SDK1: variants seen among roughly 807,000 people sequenced by gnomAD.
The protein encoded by SDK1 is sidekick cell adhesion molecule 1.
In SDK1, 157 loss-of-function variants were observed where a neutral mutation model predicts 245.5. The observed-to-expected ratio is 0.64, with a 90% CI of 0.56 to 0.73. SDK1 has a LOEUF of 0.73. SDK1 is among the 30% of genes least tolerant of loss of function. SDK1 has a pLI of 0.00. For missense variants in SDK1, 3,583 were observed against 3,002.3 expected (o/e 1.19, Z -4.52); for synonymous variants, 1,647 against 1,278.5 (o/e 1.29, Z -6.15).
chr7:4,233,534 C>T (rs1163002814), intron 41 of SDK1, 115 bp downstream of exon 41: 117 of 967,498 alleles, frequency 1.2e-4, no homozygotes, highest in Non-Finnish European at 1.6e-4. Flanking sequence ...GAAATGGGGT[C>T]GAGGGGGACC....
chr7:3,574,654 C>G (rs76881629), intron 1 of SDK1, among the ~76,000 whole-genome samples: 3,067 of 152,166 alleles, frequency 0.02, 105 homozygotes, highest in African/African-American at 0.068. Context: ...CCCCTCCACG[C>G]ATACATTTTA....
chr7:3,887,648 C>A (rs1233780165), intron 5 of SDK1, among the ~76,000 whole-genome samples: 1 of 152,164 alleles, frequency 6.6e-6, no homozygotes, highest in African/African-American at 2.4e-5. Flanking sequence ...TTGTCATTTT[C>A]CCCTGGCCTG....
intron 4 of SDK1, among the ~76,000 whole-genome samples, chr7:3,793,214 T>A (rs985874746): frequency 6.6e-6 from 1 of 152,210 alleles, no homozygotes; most frequent in Non-Finnish European, 1.5e-5. Flanking sequence ...TAAAAGACAT[T>A]ACATTTCTAA....
At chr7:3,943,660 G>C (rs780983403) in intron 5 of SDK1, among the ~76,000 whole-genome samples, 1 of 151,732 alleles carries the variant, frequency 6.6e-6, no homozygotes, top group Non-Finnish European at 1.5e-5. Flanking sequence ...CCATTCATCC[G>C]ACTTTATTTG....
intron 2 of SDK1, among the ~76,000 whole-genome samples, chr7:3,624,812 G>T (rs925715065): frequency 2.0e-5 from 3 of 151,966 alleles, no homozygotes; most frequent in African/African-American, 7.2e-5. Flanking sequence ...TTGGGAGGCC[G>T]AGGGAGGCGC....
chr7:3,567,512 C>G (rs1779963537), intron 1 of SDK1, among the ~76,000 whole-genome samples: 1 of 152,144 alleles, frequency 6.6e-6, no homozygotes. Context: ...TGTCCTGGTG[C>G]TAGAAAACTA....
chr7:3,310,135 T>C (rs1039155415), intron 1 of SDK1, among the ~76,000 whole-genome samples: 1 of 152,182 alleles, frequency 6.6e-6, no homozygotes, highest in Admixed American at 6.5e-5. Flanking sequence ...CTGGCATCAT[T>C]CTGGATTCAC....
intron 4 of SDK1, among the ~76,000 whole-genome samples, chr7:3,785,116 A>G (rs1283110393): frequency 6.6e-6 from 1 of 152,204 alleles, no homozygotes; most frequent in Non-Finnish European, 1.5e-5. Flanking sequence ...AAAGACAAAT[A>G]TCACACAATC....
At chr7:3,600,551 G>T (rs368248776) in intron 1 of SDK1, among the ~76,000 whole-genome samples, 9 of 109,046 alleles carry the variant, frequency 8.3e-5, no homozygotes, top group South Asian at 3.4e-4. Flanking sequence ...ATTAGATGTA[G>T]TTTTTTTTTT....
intron 4 of SDK1, among the ~76,000 whole-genome samples, chr7:3,675,189 T>C (rs1783853459): frequency 1.3e-5 from 2 of 152,210 alleles, no homozygotes; most frequent in Non-Finnish European, 2.9e-5. Flanking sequence ...CAGCTTTATC[T>C]TTCAAATGGT....
intron 4 of SDK1, among the ~76,000 whole-genome samples, chr7:3,781,906 C>T (rs1291796300): frequency 6.6e-6 from 1 of 152,016 alleles, no homozygotes; most frequent in African/African-American, 2.4e-5. Flanking sequence ...TGAAGAAAGC[C>T]TATGAGAGTT....
At chr7:3,863,885 C>G (rs559192952) in intron 5 of SDK1, among the ~76,000 whole-genome samples, 33 of 152,204 alleles carry the variant, frequency 2.2e-4, no homozygotes, top group Admixed American at 1.1e-3. Flanking sequence ...GAATCTGCTG[C>G]TATGAACATG....
chr7:3,312,534 A>G (rs1475453847), intron 1 of SDK1, among the ~76,000 whole-genome samples: 1 of 151,942 alleles, frequency 6.6e-6, no homozygotes, highest in Non-Finnish European at 1.5e-5. Flanking sequence ...AGAACCCAGT[A>G]GGACTTCTAG....
At chr7:3,653,192 G>C (rs1006263190) in intron 4 of SDK1, among the ~76,000 whole-genome samples, 2 of 152,180 alleles carry the variant, frequency 1.3e-5, no homozygotes, top group African/African-American at 4.8e-5. Context: ...CGCCACCCCA[G>C]CTGACTGTTA....
intron 1 of SDK1, among the ~76,000 whole-genome samples, chr7:3,507,131 G>A (rs1782419668): frequency 6.6e-6 from 1 of 152,134 alleles, no homozygotes; most frequent in South Asian, 2.1e-4. Flanking sequence ...TCTGCTGAAT[G>A]CCCTAGGTGT....
At chr7:4,154,248 A>T (rs948059398) in intron 30 of SDK1, among the ~76,000 whole-genome samples, 5 of 152,230 alleles carry the variant, frequency 3.3e-5, no homozygotes, top group Admixed American at 3.3e-4. Context: ...CCGAGGCAGT[A>T]CGAGTACAAA....
At position 3,496,000 on chromosome 7, in the gene SDK1, T is replaced by C. The variant is rs151124681; in HGVS notation, c.299-123080T>C. On this transcript the variant is annotated intron_variant, in intron 1 of 44. Transcript: ENST00000404826. ...ATCTTTTCTCAGTGGCCCGTCACTA[T>C]AACATTAAATAAGATCTTAATTGTA... Among the ~76,000 whole-genome samples the C allele has an allele frequency of 4.6e-5, 7 of 152,354 alleles. No homozygotes were observed. In the East Asian group the frequency reaches 1.2e-3, roughly 25 times the overall value.
At chr7:3,969,661 T>C (rs992895247) in intron 11 of SDK1, among the ~76,000 whole-genome samples, 2 of 152,242 alleles carry the variant, frequency 1.3e-5, no homozygotes, top group African/African-American at 4.8e-5. Context: ...AGACGAAAGA[T>C]TGACTTTGTA....
rs537352959 is a variant in SDK1, at chr7:4,028,917, A to G, written c.2602+11565A>G. 2.6e-5 allele frequency among the ~76,000 whole-genome samples: 4 copies of G among 152,320 alleles called. No homozygotes were observed. In the South Asian group the frequency reaches 6.2e-4, roughly 24 times the overall value. On this transcript the variant is annotated intron_variant, in intron 17 of 44. Transcript: ENST00000404826. Reference sequence around the variant, plus strand: ...GAGCTCTGCAACACTTGATGGGGACAGGACTCCAGGTTCATGTAAAAGGAA... The same window carrying G: ...GAGCTCTGCAACACTTGATGGGGACGGGACTCCAGGTTCATGTAAAAGGAA...
Sources: gnomAD v4.1 joint callset for allele counts (sites outside exome capture counted in the v4.1 genomes callset) on GRCh38, gnomAD v4.1.1 for gene constraint, MANE v1.5 for transcripts, NCBI Gene and HGNC (gene_info 2026-07-23, HGNC 2026-07-21) for gene names.